Variants in SUPT3H observed in about 807,000 individuals in gnomAD.
The protein encoded by SUPT3H is transcription initiation protein SPT3 homolog.
SUPT3H carries 44 observed loss-of-function variants against 44.3 expected under a neutral mutation model. The ratio of observed to expected loss-of-function variants is 0.99; its 90% CI spans 0.78 to 1.28. SUPT3H has a LOEUF of 1.28. SUPT3H is among the 50% of genes most tolerant of loss of function. The pLI, the probability that SUPT3H is intolerant of heterozygous loss-of-function variation, is 0.00. For missense variants in SUPT3H, 380 were observed against 387.1 expected (o/e 0.98, Z 0.15); for synonymous variants, 124 against 125.6 (o/e 0.99, Z 0.09).
At chr6:45,123,999 C>G (rs1414883767) in intron 2 of SUPT3H, among the ~76,000 whole-genome samples, 2 of 152,096 alleles carry the variant, frequency 1.3e-5, no homozygotes, top group Admixed American at 6.5e-5. Context: ...AAACAGGGAG[C>G]TATGTTGATT....
At position 44,954,676 on chromosome 6, in the gene SUPT3H, T is replaced by G. The variant is rs1002268271; in HGVS notation, c.581-69A>C. On this transcript the variant is annotated intron_variant, in intron 7 of 10. Transcript: ENST00000371459. ...AGTGTTTTAATACTGCACATTACTATCACAAAATTAAAAAAGTATACTCAG... is the reference window on the plus strand; with the variant it reads ...AGTGTTTTAATACTGCACATTACTAGCACAAAATTAAAAAAGTATACTCAG... 8 of 851,474 alleles carry G rather than the reference T, an allele frequency of 9.4e-6. No individual in the cohort carries two copies. The South Asian group carries it at 1.2e-4, about 13-fold the overall frequency. The allele number at this position is 851,474 out of a possible 1,614,324, so 52.7% of individuals were successfully genotyped here. A position where few individuals can be genotyped will look rare whatever the true frequency, so the allele number is the denominator to read the frequency against.
At chr6:45,286,467 T>C (rs1177179764) in intron 2 of SUPT3H, among the ~76,000 whole-genome samples, 5 of 152,142 alleles carry the variant, frequency 3.3e-5, no homozygotes, top group Non-Finnish European at 2.9e-5. Flanking sequence ...AAGACATTTA[T>C]GCAACCAAAA....
At chr6:44,924,622 G>A (rs1188396105) in intron 10 of SUPT3H, among the ~76,000 whole-genome samples, 2 of 152,058 alleles carry the variant, frequency 1.3e-5, no homozygotes, top group Non-Finnish European at 1.5e-5. Flanking sequence ...TTTAGCTGCT[G>A]TACACAGAAA....
At chr6:45,277,049 T>C (rs1032899853) in intron 2 of SUPT3H, among the ~76,000 whole-genome samples, 1 of 152,236 alleles carries the variant, frequency 6.6e-6, no homozygotes, top group African/African-American at 2.4e-5. Context: ...AAACTCAATA[T>C]ATTAAACCAT....
chr6:44,969,082 T>G (rs1228470490), intron 6 of SUPT3H, among the ~76,000 whole-genome samples: 1 of 152,188 alleles, frequency 6.6e-6, no homozygotes, highest in Non-Finnish European at 1.5e-5. Flanking sequence ...GGGAAGTTTG[T>G]CCAGTTTACA....
chr6:44,924,816 T>C (rs1315262750), intron 10 of SUPT3H, among the ~76,000 whole-genome samples: 3 of 152,180 alleles, frequency 2.0e-5, no homozygotes, highest in African/African-American at 7.2e-5. Context: ...GATTTAGTAC[T>C]CTCAAAAAAT....
At chr6:45,025,644 G>C (rs1785858249) in intron 3 of SUPT3H, among the ~76,000 whole-genome samples, 1 of 152,154 alleles carries the variant, frequency 6.6e-6, no homozygotes, top group Non-Finnish European at 1.5e-5. Context: ...AGCACTTTGG[G>C]AGGCCGAGAC....
intron 4 of SUPT3H, 63 bp downstream of exon 4, chr6:45,020,483 T>C (rs1390868046): frequency 5.6e-6 from 7 of 1,249,806 alleles, no homozygotes; most frequent in Non-Finnish European, 8.1e-6. Flanking sequence ...ATATATAGTT[T>C]CCACATGCAA....
chr6:44,931,953 C>G (rs1770658763), intron 10 of SUPT3H, among the ~76,000 whole-genome samples: 1 of 152,118 alleles, frequency 6.6e-6, no homozygotes, highest in Non-Finnish European at 1.5e-5. Context: ...TGACTTTCCT[C>G]AGTTAGGTAT....
chr6:45,256,806 G>A (rs1417330384), intron 2 of SUPT3H, among the ~76,000 whole-genome samples: 2 of 152,104 alleles, frequency 1.3e-5, no homozygotes, highest in Non-Finnish European at 1.5e-5. Context: ...CTGTTATGTG[G>A]ATATACCACA....
intron 2 of SUPT3H, among the ~76,000 whole-genome samples, chr6:45,240,612 C>T (rs900928751): frequency 2.6e-5 from 4 of 152,332 alleles, no homozygotes; most frequent in South Asian, 4.1e-4. Context: ...TGCTGCGCAG[C>T]GATTCCTATG....
At chr6:44,942,569 C>G (rs1431624857) in intron 9 of SUPT3H, among the ~76,000 whole-genome samples, 1 of 152,114 alleles carries the variant, frequency 6.6e-6, no homozygotes, top group Non-Finnish European at 1.5e-5. Context: ...GGGGGAGCCC[C>G]AAATTCGGTG....
At chr6:45,180,288 C>A (rs202206099) in intron 2 of SUPT3H, among the ~76,000 whole-genome samples, 1 of 147,296 alleles carries the variant, frequency 6.8e-6, no homozygotes, top group East Asian at 2.0e-4. Flanking sequence ...AATGGCCATA[C>A]TGCCCAAGGT....
chr6:45,137,534 AAGG>A (rs1259330698), intron 2 of SUPT3H, among the ~76,000 whole-genome samples: 4 of 151,938 alleles, frequency 2.6e-5, no homozygotes, highest in Non-Finnish European at 4.4e-5. Flanking sequence ...CAAAAAAGAG[AAGG>A]AGAATATATA....
intron 6 of SUPT3H, among the ~76,000 whole-genome samples, chr6:44,990,920 T>C (rs1273219456): frequency 6.6e-6 from 1 of 151,884 alleles, no homozygotes; most frequent in African/African-American, 2.4e-5. Flanking sequence ...TTTTATGTAA[T>C]ACAAGTATTC....
intron 2 of SUPT3H, among the ~76,000 whole-genome samples, chr6:45,133,917 G>C (rs1803872904): frequency 6.6e-6 from 1 of 152,152 alleles, no homozygotes; most frequent in Non-Finnish European, 1.5e-5. Flanking sequence ...TTAAACTGAA[G>C]ATTTGGATCC....
intron 7 of SUPT3H, chr6:44,955,481 G>T (rs1392252585): frequency 6.6e-6 from 1 of 152,282 alleles, no homozygotes; most frequent in African/African-American, 2.4e-5. Context: ...GGCGACCTGC[G>T]TGGGGCAACA....
At chr6:45,258,742 G>A (rs1773832179) in intron 2 of SUPT3H, among the ~76,000 whole-genome samples, 1 of 152,114 alleles carries the variant, frequency 6.6e-6, no homozygotes, top group African/African-American at 2.4e-5. Context: ...AAAGCATTAA[G>A]TAAAAAAATT....
At chr6:45,016,339 TA>T (rs1176845503) in intron 4 of SUPT3H, among the ~76,000 whole-genome samples, 4 of 151,886 alleles carry the variant, frequency 2.6e-5, no homozygotes, top group Non-Finnish European at 2.9e-5. Flanking sequence ...TTTTTTTATT[TA>T]TTTTTTTATT....
Sources: gnomAD v4.1 joint callset for allele counts (sites outside exome capture counted in the v4.1 genomes callset) on GRCh38, gnomAD v4.1.1 for gene constraint, MANE v1.5 for transcripts, NCBI Gene and HGNC (gene_info 2026-07-23, HGNC 2026-07-21) for gene names.